Variants in PTPRD observed in about 807,000 individuals in gnomAD.
The protein encoded by PTPRD is receptor-type tyrosine-protein phosphatase delta.
Under a neutral mutation model 214.5 loss-of-function variants are expected in PTPRD, and 34 were observed. That is an observed-to-expected ratio of 0.16 (90% CI 0.12 to 0.21). The LOEUF is 0.21. PTPRD is among the 10% of genes least tolerant of loss of function. The probability of loss-of-function intolerance (pLI) is 1.00; values close to 1 mark genes in which losing one functional copy is unlikely to be tolerated. For missense variants in PTPRD, 2,545 were observed against 2,398.7 expected (o/e 1.06, Z -1.27); for synonymous variants, 1,128 against 845.7 (o/e 1.33, Z -5.79).
At chr9:9,982,589 T>C (rs1449590651) in intron 4 of PTPRD, among the ~76,000 whole-genome samples, 1 of 151,980 alleles carries the variant, frequency 6.6e-6, no homozygotes, top group Non-Finnish European at 1.5e-5. Flanking sequence ...GAGGTAAGTT[T>C]CTTTCTTCCC....
chr9:9,798,358 G>C (rs896796639), intron 5 of PTPRD, among the ~76,000 whole-genome samples: 5 of 152,102 alleles, frequency 3.3e-5, no homozygotes, highest in African/African-American at 9.7e-5. Flanking sequence ...GTATTTTTAC[G>C]CTACATTTGA....
chr9:10,071,571 A>G (rs990449732), intron 3 of PTPRD, among the ~76,000 whole-genome samples: 7 of 152,218 alleles, frequency 4.6e-5, no homozygotes, highest in African/African-American at 1.7e-4. Context: ...ATATGCAAAA[A>G]AAGGAAAGAA....
chr9:10,192,645 A>C (rs1010984690), intron 3 of PTPRD, among the ~76,000 whole-genome samples: 1 of 152,072 alleles, frequency 6.6e-6, no homozygotes, highest in African/African-American at 2.4e-5. Flanking sequence ...GACCAGAGAC[A>C]TTGAACCTGG....
intron 2 of PTPRD, among the ~76,000 whole-genome samples, chr9:10,426,320 T>C (rs958271452): frequency 6.6e-6 from 1 of 152,042 alleles, no homozygotes; most frequent in Non-Finnish European, 1.5e-5. Context: ...TACTTTTTTT[T>C]CCTTTAATTG....
intron 3 of PTPRD, among the ~76,000 whole-genome samples, chr9:10,234,232 AAAAT>A (rs1401633682): frequency 3.3e-5 from 5 of 151,704 alleles, no homozygotes; most frequent in African/African-American, 1.2e-4. Context: ...TAATTAATAA[AAAAT>A]AAATAAAATA....
chr9:8,404,396 TG>T (rs2130569864), intron 36 of PTPRD, 140 bp downstream of exon 36: 1 of 1,150,374 alleles, frequency 8.7e-7, no homozygotes, highest in Non-Finnish European at 1.2e-6. Context: ...CCCAAAGTGC[TG>T]GGATTACAGG....
chr9:8,379,194 T>C (rs911952222), intron 37 of PTPRD, among the ~76,000 whole-genome samples: 6 of 152,208 alleles, frequency 3.9e-5, no homozygotes, highest in African/African-American at 7.2e-5. Context: ...TCTCAGGAAA[T>C]ATTTCTCAAA....
chr9:8,934,498 TATATATAAATATATATATATAA>T (rs1567101204), intron 11 of PTPRD, among the ~76,000 whole-genome samples: 5 of 30,946 alleles, frequency 1.6e-4, no homozygotes, highest in African/African-American at 2.7e-4. Context: ...TATATAAATA[TATATATAAATATATATATATAA>T]ATATATATAT....
chr9:9,135,067 G>A (rs143949763), intron 10 of PTPRD, among the ~76,000 whole-genome samples: 37 of 152,260 alleles, frequency 2.4e-4, no homozygotes, highest in African/African-American at 8.4e-4. Flanking sequence ...GAGATCACAT[G>A]TCTATGTTAA....
intron 2 of PTPRD, among the ~76,000 whole-genome samples, chr9:10,586,455 G>A (rs370485569): frequency 6.6e-6 from 1 of 152,008 alleles, no homozygotes; most frequent in Admixed American, 6.6e-5. Flanking sequence ...CAAAAAAGAT[G>A]TCGAAAAGCA....
At chr9:10,526,543 A>C (rs7860621) in intron 2 of PTPRD, among the ~76,000 whole-genome samples, 4,607 of 152,190 alleles carry the variant, frequency 0.03, 119 homozygotes, top group East Asian at 0.11. Context: ...AGGTAGTTAT[A>C]CAAAACTCCT....
chr9:9,774,644 T>G (rs893604504), intron 5 of PTPRD, among the ~76,000 whole-genome samples: 1 of 152,228 alleles, frequency 6.6e-6, no homozygotes, highest in Admixed American at 6.5e-5. Flanking sequence ...CATCAGGCAT[T>G]GAGCTCTTTA....
intron 27 of PTPRD, among the ~76,000 whole-genome samples, chr9:8,490,180 A>C (rs2136177235): frequency 6.6e-6 from 1 of 152,318 alleles, no homozygotes; most frequent in East Asian, 1.9e-4. Flanking sequence ...GCAGGGTCTT[A>C]ATGAACACAT....
chr9:8,554,226 TG>T (rs1005135402), intron 14 of PTPRD, among the ~76,000 whole-genome samples: 4 of 151,866 alleles, frequency 2.6e-5, no homozygotes, highest in Non-Finnish European at 5.9e-5. Flanking sequence ...AGATTATAGT[TG>T]GGGAAGGAAG....
chr9:9,345,752 T>A (rs1193765667), intron 9 of PTPRD, among the ~76,000 whole-genome samples: 1 of 152,156 alleles, frequency 6.6e-6, no homozygotes, highest in Non-Finnish European at 1.5e-5. Context: ...TCCTCCATTT[T>A]TTCCTCTATA....
At chr9:10,262,626 C>G (rs1317364108) in intron 3 of PTPRD, among the ~76,000 whole-genome samples, 1 of 152,154 alleles carries the variant, frequency 6.6e-6, no homozygotes, top group Admixed American at 6.5e-5. Flanking sequence ...GCAGAAGATT[C>G]TGGATCAAAT....
intron 7 of PTPRD, among the ~76,000 whole-genome samples, chr9:9,660,215 T>G (rs2096596203): frequency 6.6e-6 from 1 of 151,958 alleles, no homozygotes; most frequent in Admixed American, 6.6e-5. Flanking sequence ...ATATAAGATT[T>G]TGGATATTAT....
chr9:8,330,723 C>T (rs1193239815), intron 44 of PTPRD, among the ~76,000 whole-genome samples: 2 of 152,056 alleles, frequency 1.3e-5, no homozygotes, highest in Non-Finnish European at 2.9e-5. Flanking sequence ...GAGATTAGAA[C>T]ACAGCTATCT....
At chr9:10,292,089 C>T (rs2095543402) in intron 3 of PTPRD, among the ~76,000 whole-genome samples, 1 of 152,014 alleles carries the variant, frequency 6.6e-6, no homozygotes, top group African/African-American at 2.4e-5. Context: ...AGGCGTTAAT[C>T]CTAACCCAGG....
Sources: allele counts gnomAD v4.1 joint callset (sites outside exome capture counted in the v4.1 genomes callset), GRCh38; gene constraint gnomAD v4.1.1; transcripts MANE v1.5; gene names NCBI Gene and HGNC (gene_info 2026-07-23, HGNC 2026-07-21).